UBAC2: variants seen among roughly 807,000 people sequenced by gnomAD.
UBAC2 encodes the protein UBA domain containing 2, also known as ubiquitin-associated domain-containing protein 2.
UBAC2 carries 26 observed loss-of-function variants against 44.0 expected under a neutral mutation model. The observed-to-expected ratio is 0.59, with a 90% CI of 0.43 to 0.82. The LOEUF (loss-of-function observed/expected upper bound fraction) is 0.82, where lower values mean the gene tolerates loss of function less well. Among genes scored for constraint, UBAC2 ranks in the 40% least tolerant of loss-of-function variants. UBAC2 has a pLI of 0.00. For missense variants in UBAC2, 329 were observed against 419.4 expected, an observed-to-expected ratio of 0.78 and a Z score of 1.88; for synonymous variants, 155 against 154.3, an observed-to-expected ratio of 1.00 and a Z score of -0.04.
chr13:99,225,555 T>C (rs2142697432), intron 1 of UBAC2, among the ~76,000 whole-genome samples: 1 of 152,366 alleles, frequency 6.6e-6, no homozygotes, highest in South Asian at 2.1e-4. Context: ...CGTTTATGCA[T>C]TCATCTGCCA....
At chr13:99,383,175 C>T (rs995917704) in intron 8 of UBAC2, among the ~76,000 whole-genome samples, 10 of 152,164 alleles carry the variant, frequency 6.6e-5, no homozygotes, top group Non-Finnish European at 1.3e-4. Flanking sequence ...TGCCTGTGCA[C>T]GCTCTTGTGT....
intron 8 of UBAC2, among the ~76,000 whole-genome samples, chr13:99,384,831 T>C (rs6491498): frequency 0.99 from 110,780 of 112,324 alleles, 54,650 homozygotes; most frequent in Non-Finnish European, 1. Context: ...GTGGCAGTGA[T>C]GCCAGGAGTG....
At chr13:99,361,493 G>T (rs1201009139) in intron 7 of UBAC2, among the ~76,000 whole-genome samples, 1 of 152,210 alleles carries the variant, frequency 6.6e-6, no homozygotes, top group Non-Finnish European at 1.5e-5. Context: ...TGTAAGAAAT[G>T]AAATGGAACT....
At position 99,289,982 on chromosome 13, in the gene UBAC2, A is replaced by C. The variant is rs535320044; in HGVS notation, c.390-24115A>C. Among the ~76,000 whole-genome samples, 3 of 152,302 alleles carry C rather than the reference A, an allele frequency of 2.0e-5. No individual in the cohort carries two copies. The South Asian group carries it at 6.2e-4, about 32-fold the overall frequency. On this transcript the variant is annotated intron_variant, in intron 4 of 8. Coordinates refer to ENST00000403766, the MANE Select transcript of UBAC2 (RefSeq NM_001144072.2). ...AGGAACTTGAGGATATTTGGTGAGC[A>C]GTGTGTGTCTCTTTTAAGGCTTTCT...
intron 6 of UBAC2, among the ~76,000 whole-genome samples, chr13:99,318,814 T>A (rs1594122571): frequency 1.2e-5 from 1 of 85,344 alleles, no homozygotes; most frequent in Non-Finnish European, 2.2e-5. Context: ...AGAGTGAGAC[T>A]CCATCTCAAA....
intron 4 of UBAC2, among the ~76,000 whole-genome samples, chr13:99,300,578 C>T (rs61970293): frequency 0.097 from 14,720 of 152,270 alleles, 857 homozygotes; most frequent in South Asian, 0.26. Flanking sequence ...TTCCTTTAAT[C>T]ATCTTAAGGA....
At chr13:99,223,109 A>G (rs1416125751) in intron 1 of UBAC2, among the ~76,000 whole-genome samples, 2 of 152,208 alleles carry the variant, frequency 1.3e-5, no homozygotes, top group Non-Finnish European at 2.9e-5. Context: ...CATCTAAGTT[A>G]TCAAATTTAT....
chr13:99,368,037 A>G (rs1293495202), intron 8 of UBAC2, 131 bp downstream of exon 8: 2 of 1,050,590 alleles, frequency 1.9e-6, no homozygotes, highest in African/African-American at 3.3e-5. Flanking sequence ...ATCTGCCACC[A>G]TGATAGAGAC....
intron 1 of UBAC2, among the ~76,000 whole-genome samples, chr13:99,226,425 C>G (rs1181476511): frequency 6.6e-6 from 1 of 152,204 alleles, no homozygotes; most frequent in Non-Finnish European, 1.5e-5. Context: ...TACACCTCCA[C>G]CCTGCTGGTT....
intron 7 of UBAC2, among the ~76,000 whole-genome samples, chr13:99,366,692 T>C (rs549949718): frequency 1.3e-5 from 2 of 152,266 alleles, no homozygotes; most frequent in South Asian, 2.1e-4. Flanking sequence ...AGACAGATAA[T>C]TGAGCTCAAA....
chr13:99,334,240 C>T, intron 6 of UBAC2, among the ~76,000 whole-genome samples: 1 of 152,118 alleles, frequency 6.6e-6, no homozygotes, highest in East Asian at 1.9e-4. Flanking sequence ...GGATTACAGG[C>T]GTGAGCACAG....
chr13:99,378,720 G>T (rs994392179), intron 8 of UBAC2, among the ~76,000 whole-genome samples: 2 of 152,228 alleles, frequency 1.3e-5, no homozygotes, highest in Non-Finnish European at 1.5e-5. Context: ...TGTCAGGCTT[G>T]CATAGCTGTG....
At chr13:99,345,651 G>T (rs561510999) in intron 7 of UBAC2, among the ~76,000 whole-genome samples, 1 of 152,150 alleles carries the variant, frequency 6.6e-6, no homozygotes, top group East Asian at 1.9e-4. Flanking sequence ...TCTCTCCTGG[G>T]GCTCCAGACC....
At chr13:99,220,369 G>T (rs1206479689) in intron 1 of UBAC2, among the ~76,000 whole-genome samples, 1 of 152,116 alleles carries the variant, frequency 6.6e-6, no homozygotes, top group East Asian at 1.9e-4. Context: ...CACTGAGATG[G>T]TATTACATGT....
chr13:99,294,125 C>G (rs920423294), intron 4 of UBAC2, among the ~76,000 whole-genome samples: 3 of 152,144 alleles, frequency 2.0e-5, no homozygotes, highest in African/African-American at 7.2e-5. Flanking sequence ...TCGTATTTAG[C>G]AAGCAGCAGC....
At chr13:99,260,490 G>A (rs2043643989) in intron 4 of UBAC2, among the ~76,000 whole-genome samples, 1 of 152,174 alleles carries the variant, frequency 6.6e-6, no homozygotes. Flanking sequence ...GAGATGGGGA[G>A]ACTTAGGCAA....
chr13:99,330,897 G>C (rs2044707803), intron 6 of UBAC2, among the ~76,000 whole-genome samples: 1 of 152,084 alleles, frequency 6.6e-6, no homozygotes, highest in Non-Finnish European at 1.5e-5. Flanking sequence ...TTCATTTTTT[G>C]AATCCATTTA....
chr13:99,296,038 C>T (rs1260081658), intron 4 of UBAC2: 3 of 1,613,924 alleles, frequency 1.9e-6, no homozygotes, highest in African/African-American at 2.7e-5. Context: ...GGCTGTAATG[C>T]AGAGGCATTA....
At chr13:99,328,496 G>T (rs570092493) in intron 6 of UBAC2, among the ~76,000 whole-genome samples, 1 of 152,214 alleles carries the variant, frequency 6.6e-6, no homozygotes, top group Non-Finnish European at 1.5e-5. Flanking sequence ...CTACACCCTT[G>T]TCAACACTTG....
Sources: gnomAD v4.1 joint callset for allele counts (sites outside exome capture counted in the v4.1 genomes callset) on GRCh38, gnomAD v4.1.1 for gene constraint, MANE v1.5 for transcripts, NCBI Gene and HGNC (gene_info 2026-07-23, HGNC 2026-07-21) for gene names.